Variants in ABI2 observed in about 807,000 individuals in gnomAD.
ABI2 encodes the protein abl interactor 2, also known as abelson interactor 2.
ABI2 carries 25 observed loss-of-function variants against 59.2 expected under a neutral mutation model. The ratio of observed to expected loss-of-function variants is 0.42; its 90% CI spans 0.31 to 0.59. The LOEUF is 0.59. ABI2 is among the 20% of genes least tolerant of loss of function. The probability of loss-of-function intolerance (pLI) is 0.14; values close to 1 mark genes in which losing one functional copy is unlikely to be tolerated. For synonymous variants in ABI2, 213 were observed against 235.5 expected (o/e 0.90, Z 0.87); for missense variants, 545 against 681.8 (o/e 0.80, Z 2.23).
At chr2:203,356,699 T>A (rs1023307517) in intron 1 of ABI2, among the ~76,000 whole-genome samples, 2 of 152,142 alleles carry the variant, frequency 1.3e-5, no homozygotes, top group African/African-American at 4.8e-5. Flanking sequence ...GGAGATGATG[T>A]CTCACCATGT....
intron 1 of ABI2, among the ~76,000 whole-genome samples, chr2:203,338,999 T>TAA (rs2152466560): frequency 1.4e-5 from 1 of 70,392 alleles, no homozygotes; most frequent in African/African-American, 5.7e-5. Context: ...TATATATATA[T>TAA]ATATATATAA....
intron 2 of ABI2, among the ~76,000 whole-genome samples, chr2:203,372,278 A>G (rs2095288040): frequency 6.6e-6 from 1 of 152,180 alleles, no homozygotes; most frequent in Non-Finnish European, 1.5e-5. Flanking sequence ...CCCAAGGCAG[A>G]AGAATTTTTC....
At chr2:203,341,246 A>AT (rs1194204574) in intron 1 of ABI2, among the ~76,000 whole-genome samples, 1 of 151,816 alleles carries the variant, frequency 6.6e-6, no homozygotes, top group African/African-American at 2.4e-5. Flanking sequence ...AGTGTTTCTT[A>AT]TTTATTTGTG....
chr2:203,377,756 A>G (rs1323737519), intron 2 of ABI2, among the ~76,000 whole-genome samples: 4 of 152,188 alleles, frequency 2.6e-5, no homozygotes, highest in Non-Finnish European at 5.9e-5. Context: ...CAGTAGAGAA[A>G]TTAGGCCAGC....
At chr2:203,365,577 A>G (rs1345173356) in intron 1 of ABI2, among the ~76,000 whole-genome samples, 1 of 151,492 alleles carries the variant, frequency 6.6e-6, no homozygotes, top group Non-Finnish European at 1.5e-5. Context: ...AAGATTAGGA[A>G]AAATATTTCT....
chr2:203,389,954 T>A (rs974495236), intron 4 of ABI2, among the ~76,000 whole-genome samples: 2 of 152,374 alleles, frequency 1.3e-5, no homozygotes, highest in Non-Finnish European at 2.9e-5. Context: ...GGTCCAGCTC[T>A]GACTTAGGAC....
At chr2:203,395,809 C>G (rs1559324590) in intron 7 of ABI2, 29 bp downstream of exon 7, 1 of 1,526,244 alleles carries the variant, frequency 6.6e-7, no homozygotes, top group Non-Finnish European at 8.8e-7. Flanking sequence ...CTCGTCTTCA[C>G]TTTTCCTTTC....
intron 9 of ABI2, among the ~76,000 whole-genome samples, chr2:203,408,833 C>CTTTCTTTTTTTTTTTTTTTTT (rs1259310860): frequency 4.6e-5 from 4 of 87,204 alleles, no homozygotes; most frequent in Non-Finnish European, 7.2e-5. Flanking sequence ...CTTCTCCTTT[C>CTTTCTTTTTTTTTTTTTTTTT]TTTTTTTTTT....
chr2:203,392,520 A>C (rs1352701552), intron 5 of ABI2, among the ~76,000 whole-genome samples: 1 of 152,232 alleles, frequency 6.6e-6, no homozygotes, highest in Non-Finnish European at 1.5e-5. Context: ...AGGAGTGGAC[A>C]AAATAATTCT....
At chr2:203,424,867 C>G (rs1311819425) in intron 11 of ABI2, among the ~76,000 whole-genome samples, 1 of 152,012 alleles carries the variant, frequency 6.6e-6, no homozygotes, top group African/African-American at 2.4e-5. Context: ...TCTATCTAAT[C>G]TAGTTTCTAC....
chr2:203,351,585 G>C (rs1264365587), intron 1 of ABI2: 1 of 439,022 alleles, frequency 2.3e-6, no homozygotes, highest in Non-Finnish European at 4.5e-6. Context: ...ATGCAGGCTG[G>C]AATGCAGTGG....
intron 1 of ABI2, among the ~76,000 whole-genome samples, chr2:203,350,556 T>C (rs1214466115): frequency 1.0e-4 from 15 of 150,310 alleles, no homozygotes; most frequent in Non-Finnish European, 1.9e-4. Flanking sequence ...TTTTTTTTTT[T>C]AAAGTTGAAG....
Position 203,416,932 on chromosome 2 carries a change from C to G in ABI2, c.1304C>G (p.Pro435Arg). The G allele has an allele frequency of 6.2e-7, 1 of 1,613,278 alleles. No individual in the cohort carries two copies. The highest frequency in any genetic ancestry group is 8.5e-7 in the Non-Finnish European group (1 of 1,179,666). The change falls in exon 11 of 12, where the codon CCA becomes CGA. Residue 435 changes from proline to arginine, a missense_variant. Pro to Arg is a moderately radical substitution (Grantham distance 103). Coordinates refer to ENST00000261018, the MANE Select transcript of ABI2 (RefSeq NM_001375670.1). The part of the protein sequence containing the change: ...ENISDTPPPP[P>R]PVEEPVFDES... ...GTTTCAGATACACCACCTCCACCGC[C>G]ACCTGTGGAAGAACCAGTCTTTGAT...
At chr2:203,350,266 G>A (rs779288016) in intron 1 of ABI2, among the ~76,000 whole-genome samples, 2 of 152,038 alleles carry the variant, frequency 1.3e-5, no homozygotes, top group African/African-American at 2.4e-5. Context: ...TAGTAGAGAC[G>A]AGGTTTCACC....
chr2:203,375,928 A>G (rs987311301), intron 2 of ABI2: 1 of 580,380 alleles, frequency 1.7e-6, no homozygotes, highest in Non-Finnish European at 2.9e-6. Flanking sequence ...TCTTCTGCCC[A>G]CAGGCAATAC....
intron 1 of ABI2, among the ~76,000 whole-genome samples, chr2:203,337,544 T>C (rs1008587192): frequency 1.3e-5 from 2 of 152,184 alleles, no homozygotes; most frequent in African/African-American, 4.8e-5. Flanking sequence ...AGATTTGATA[T>C]TGTTAACATG....
At chr2:203,339,943 T>C (rs1367667954) in intron 1 of ABI2, among the ~76,000 whole-genome samples, 3 of 152,224 alleles carry the variant, frequency 2.0e-5, no homozygotes, top group Admixed American at 6.5e-5. Context: ...GTCCCATCTG[T>C]ATATGTGGAT....
intron 2 of ABI2, among the ~76,000 whole-genome samples, chr2:203,373,701 A>C (rs190803495): frequency 4.6e-4 from 70 of 152,368 alleles, no homozygotes; most frequent in African/African-American, 1.6e-3. Context: ...AGGGCTGAGT[A>C]GGACTTACTG....
chr2:203,374,179 C>G (rs558601078), intron 2 of ABI2, among the ~76,000 whole-genome samples: 1 of 152,050 alleles, frequency 6.6e-6, no homozygotes, highest in African/African-American at 2.4e-5. Context: ...AACACAAAAA[C>G]TTTATATAGA....
Sources: gnomAD v4.1 joint callset for allele counts (sites outside exome capture counted in the v4.1 genomes callset) on GRCh38, gnomAD v4.1.1 for gene constraint, MANE v1.5 for transcripts, NCBI Gene and HGNC (gene_info 2026-07-23, HGNC 2026-07-21) for gene names.